Variants in TRPS1 observed in about 807,000 individuals in gnomAD.
TRPS1 encodes the protein transcriptional repressor GATA binding 1, also known as zinc finger transcription factor Trps1.
A neutral mutation model predicts 101.2 loss-of-function variants in TRPS1; 6 were observed. The observed-to-expected ratio is 0.06, with a 90% CI of 0.03 to 0.12. The LOEUF is 0.12. Ranked by LOEUF, TRPS1 falls within the 10% of genes least tolerant of loss-of-function variation. The pLI, the probability that TRPS1 is intolerant of heterozygous loss-of-function variation, is 1.00. For missense variants in TRPS1, 1,363 were observed against 1,567.0 expected (o/e 0.87, Z 2.20); for synonymous variants, 578 against 589.8 (o/e 0.98, Z 0.29).
At chr8:115,652,060 T>C (rs1256841671) in intron 1 of TRPS1, among the ~76,000 whole-genome samples, 1 of 152,058 alleles carries the variant, frequency 6.6e-6, no homozygotes, top group Non-Finnish European at 1.5e-5. Context: ...CCTAAAAGCA[T>C]AAAACCCTCC....
rs1468766988 is a variant in TRPS1 at position 115,626,371 on chromosome 8, G to C, written c.-121-2613C>G. Among the ~76,000 whole-genome samples the C allele has an allele frequency of 1.3e-5, 2 of 151,086 alleles. 1 individual carries two copies. ...CTTAAGTGAACTATAAAATGCAAGA[G>C]AACATTGTTTATCCAATTCACAAAC... is the stretch of plus-strand genomic sequence containing the variant. On this transcript the variant is annotated intron_variant, in intron 1 of 6. Transcript: ENST00000395715.
chr8:115,436,484 G>A (rs1006034856), intron 5 of TRPS1, among the ~76,000 whole-genome samples: 3 of 152,164 alleles, frequency 2.0e-5, no homozygotes, highest in African/African-American at 7.2e-5. Flanking sequence ...ACCATGGCCA[G>A]GTGAATAGAA....
intron 1 of TRPS1, among the ~76,000 whole-genome samples, chr8:115,653,768 T>G (rs1183069495): frequency 1.3e-5 from 2 of 152,132 alleles, no homozygotes; most frequent in African/African-American, 4.8e-5. Flanking sequence ...TTCTTCACCC[T>G]GCGACTCAAG....
intron 5 of TRPS1, among the ~76,000 whole-genome samples, chr8:115,544,349 C>T (rs1056104676): frequency 6.6e-6 from 1 of 151,692 alleles, no homozygotes; most frequent in Non-Finnish European, 1.5e-5. Flanking sequence ...TATTTTACTT[C>T]CTGACCCTGA....
intron 5 of TRPS1, among the ~76,000 whole-genome samples, chr8:115,460,030 C>T (rs1814127878): frequency 6.6e-6 from 1 of 152,094 alleles, no homozygotes; most frequent in South Asian, 2.1e-4. Context: ...ATTAACTGCT[C>T]ATTAAAGATT....
At chr8:115,515,174 G>C (rs1029703411) in intron 5 of TRPS1, 2 of 685,570 alleles carry the variant, frequency 2.9e-6, no homozygotes, top group African/African-American at 1.8e-5. Flanking sequence ...AATTCTTTTC[G>C]TTACTCTCCA....
At chr8:115,427,858 G>T (rs1813225661) in intron 5 of TRPS1, among the ~76,000 whole-genome samples, 2 of 135,956 alleles carry the variant, frequency 1.5e-5, no homozygotes, top group African/African-American at 5.3e-5. Context: ...GCTGGGGAGG[G>T]GGGAGGGGTG....
At position 115,413,124 on chromosome 8, in the gene TRPS1, A is replaced by C. The variant is rs923310302; in HGVS notation, c.*899T>G. On this transcript the variant is annotated 3_prime_UTR_variant, in exon 7 of 7. Transcript: ENST00000395715. ...CCATCTATGCTTTTGAATTGAGGGG[A>C]TTCCTTTAGTTATAATGTGCCAAGT... The C allele has an allele frequency of 6.6e-6, 1 of 152,144 alleles. No homozygotes were observed. The highest frequency in any genetic ancestry group is 1.5e-5 in the Non-Finnish European group (1 of 67,996). The allele number at this position is 152,144 out of a possible 1,614,324, so 9.4% of individuals were successfully genotyped here.
chr8:115,485,777 G>A (rs910610581), intron 5 of TRPS1, among the ~76,000 whole-genome samples: 7 of 152,240 alleles, frequency 4.6e-5, no homozygotes, highest in South Asian at 2.1e-4. Flanking sequence ...TGAACAAAGA[G>A]ATGATATAAT....
chr8:115,557,188 T>C lies in TRPS1; in HGVS notation c.2700+29813A>G, dbSNP rs573938397. Among the ~76,000 whole-genome samples the C allele has an allele frequency of 2.6e-4, 39 of 152,198 alleles. No homozygotes were observed. In the South Asian group the frequency reaches 5.6e-3, roughly 22 times the overall value. On this transcript the variant is annotated intron_variant, in intron 5 of 6. Coordinates refer to ENST00000395715, the MANE Select transcript of TRPS1 (RefSeq NM_014112.5). ...ACACCATGGGAAAGACCTGCCCCCA[T>C]GATTCAATTAACTCCCACCAGGTCC... is the stretch of plus-strand genomic sequence containing the variant.
chr8:115,487,119 A>G (rs1048391277), intron 5 of TRPS1, among the ~76,000 whole-genome samples: 16 of 152,316 alleles, frequency 1.1e-4, no homozygotes, highest in African/African-American at 3.8e-4. Flanking sequence ...ATTCTAAAAT[A>G]CCTGGAGCCC....
At chr8:115,466,482 T>C (rs1174278234) in intron 5 of TRPS1, among the ~76,000 whole-genome samples, 1 of 152,138 alleles carries the variant, frequency 6.6e-6, no homozygotes, top group African/African-American at 2.4e-5. Context: ...TACAGTAAAG[T>C]GAAGAAGGGC....
chr8:115,447,456 T>C (rs1490928980), intron 5 of TRPS1, among the ~76,000 whole-genome samples: 1 of 152,162 alleles, frequency 6.6e-6, no homozygotes, highest in Non-Finnish European at 1.5e-5. Flanking sequence ...TAGAAGCTTA[T>C]AGGCTAATGA....
At chr8:115,623,483 A>G (rs960203037) in intron 2 of TRPS1, 118 bp downstream of exon 2, 2 of 1,212,026 alleles carry the variant, frequency 1.7e-6, no homozygotes, top group Non-Finnish European at 2.4e-6. Context: ...AGATACCATA[A>G]GACTATAGCC....
intron 5 of TRPS1, among the ~76,000 whole-genome samples, chr8:115,555,443 T>A (rs1226445205): frequency 1.3e-5 from 2 of 152,160 alleles, no homozygotes; most frequent in Non-Finnish European, 2.9e-5. Flanking sequence ...TTCCGAACAC[T>A]TCCAATATGT....
chr8:115,446,727 T>A (rs374240173), intron 5 of TRPS1, among the ~76,000 whole-genome samples: 2 of 152,170 alleles, frequency 1.3e-5, no homozygotes, highest in African/African-American at 4.8e-5. Flanking sequence ...ATAACAATCA[T>A]GAACCCAGAA....
At chr8:115,478,762 C>T (rs1301768948) in intron 5 of TRPS1, among the ~76,000 whole-genome samples, 3 of 151,148 alleles carry the variant, frequency 2.0e-5, no homozygotes, top group Non-Finnish European at 4.4e-5. Context: ...CGAGATCACG[C>T]CACTGCACTC....
chr8:115,609,160 C>T (rs544261350), intron 3 of TRPS1, among the ~76,000 whole-genome samples: 2 of 152,170 alleles, frequency 1.3e-5, no homozygotes, highest in African/African-American at 2.4e-5. Context: ...ATTTAAATAG[C>T]CACATTTTGT....
chr8:115,641,712 T>G (rs149014571), intron 1 of TRPS1, among the ~76,000 whole-genome samples: 2,640 of 152,252 alleles, frequency 0.017, 91 homozygotes, highest in African/African-American at 0.059. Flanking sequence ...AAACCCCATC[T>G]CTACTAAAGT....
Sources: gnomAD v4.1 joint callset for allele counts (sites outside exome capture counted in the v4.1 genomes callset) on GRCh38, gnomAD v4.1.1 for gene constraint, MANE v1.5 for transcripts, NCBI Gene and HGNC (gene_info 2026-07-23, HGNC 2026-07-21) for gene names.